GLIS3: variants seen among roughly 807,000 people sequenced by gnomAD.
GLIS3 encodes the protein zinc finger protein GLIS3.
In GLIS3, 53 loss-of-function variants were observed where a neutral mutation model predicts 78.6. The ratio of observed to expected loss-of-function variants is 0.67; its 90% confidence interval spans 0.54 to 0.85. GLIS3 has a LOEUF of 0.85. Among genes scored for constraint, GLIS3 ranks in the 40% least tolerant of loss-of-function variants. The pLI, the probability that GLIS3 is intolerant of heterozygous loss-of-function variation, is 0.00. For missense variants in GLIS3, 1,703 were observed against 1,231.1 expected (o/e 1.38, Z -5.74); for synonymous variants, 684 against 509.9 (o/e 1.34, Z -4.60).
intron 9 of GLIS3, chr9:3,855,780 C>T (rs1024668146): frequency 2.8e-5 from 15 of 531,938 alleles, no homozygotes; most frequent in Non-Finnish European, 4.4e-5. Flanking sequence ...AAACCAGCAA[C>T]TTGAGCTGAC....
chr9:4,030,911 G>C (rs1050495070), intron 4 of GLIS3, among the ~76,000 whole-genome samples: 1 of 152,148 alleles, frequency 6.6e-6, no homozygotes, highest in African/African-American at 2.4e-5. Flanking sequence ...AAGATGCTCG[G>C]CATCATTAGT....
intron 7 of GLIS3, among the ~76,000 whole-genome samples, chr9:3,887,327 T>C (rs1366467226): frequency 6.6e-6 from 1 of 152,146 alleles, no homozygotes; most frequent in Non-Finnish European, 1.5e-5. Flanking sequence ...AAAGGAAACA[T>C]ATTCATGTCA....
At chr9:3,926,923 CCT>C (rs1300179505) in intron 6 of GLIS3, among the ~76,000 whole-genome samples, 1 of 152,236 alleles carries the variant, frequency 6.6e-6, no homozygotes, top group Non-Finnish European at 1.5e-5. Flanking sequence ...TTGGGCCTGG[CCT>C]CATTTCTAAA....
chr9:4,258,168 GTC>G (rs1825161329), intron 2 of GLIS3, among the ~76,000 whole-genome samples: 1 of 151,912 alleles, frequency 6.6e-6, no homozygotes, highest in East Asian at 1.9e-4. Context: ...AAAAAAATAC[GTC>G]TTTTTTGTTT....
At chr9:4,434,863 C>T in the GLIS3 span, among the ~76,000 whole-genome samples, 3 of 152,308 alleles carry the variant, frequency 2.0e-5, no homozygotes, top group East Asian at 5.8e-4. Context: ...CCATGTGAGA[C>T]CAGTGCTGAG....
chr9:4,069,493 A>T (rs1278565095), intron 4 of GLIS3, among the ~76,000 whole-genome samples: 1 of 152,242 alleles, frequency 6.6e-6, no homozygotes, highest in Non-Finnish European at 1.5e-5. Flanking sequence ...CCAGTCCCTG[A>T]GTCTGGAACA....
chr9:4,443,880 T>C, the GLIS3 span, among the ~76,000 whole-genome samples: 1 of 152,198 alleles, frequency 6.6e-6, no homozygotes, highest in South Asian at 2.1e-4. Flanking sequence ...GAAGTCAAAA[T>C]TATGTTAATC....
chr9:4,198,291 A>C (rs1206655287), intron 2 of GLIS3, among the ~76,000 whole-genome samples: 2 of 152,224 alleles, frequency 1.3e-5, no homozygotes, highest in Admixed American at 1.3e-4. Context: ...AGAAAAGATA[A>C]ACATCTTAAA....
chr9:4,048,168 T>C (rs1266116157), intron 4 of GLIS3, among the ~76,000 whole-genome samples: 1 of 152,166 alleles, frequency 6.6e-6, no homozygotes, highest in Non-Finnish European at 1.5e-5. Flanking sequence ...GAGTGAGGGG[T>C]AATGACCTTT....
chr9:3,936,922 G>A, intron 5 of GLIS3, 106 bp downstream of exon 5: 1 of 1,488,906 alleles, frequency 6.7e-7, no homozygotes, highest in Non-Finnish European at 9.4e-7. Context: ...CATTGTCCCT[G>A]TAACCTGCAG....
chr9:4,138,297 C>G (rs1371947461), intron 2 of GLIS3, among the ~76,000 whole-genome samples: 2 of 152,342 alleles, frequency 1.3e-5, no homozygotes, highest in African/African-American at 4.8e-5. Flanking sequence ...GACACATTTA[C>G]TGGGTGTTAG....
chr9:3,993,594 C>T (rs73388234), intron 4 of GLIS3, among the ~76,000 whole-genome samples: 6,689 of 152,124 alleles, frequency 0.044, 503 homozygotes, highest in African/African-American at 0.15. Flanking sequence ...TAAGGAATTC[C>T]CTAGGTTCCT....
the GLIS3 span, among the ~76,000 whole-genome samples, chr9:4,395,163 A>G: frequency 6.6e-6 from 1 of 152,232 alleles, no homozygotes; most frequent in African/African-American, 2.4e-5. Context: ...TACATTTACA[A>G]ATTGGGCCCA....
intron 2 of GLIS3, among the ~76,000 whole-genome samples, chr9:4,129,730 T>C (rs906887042): frequency 6.6e-6 from 1 of 152,194 alleles, no homozygotes; most frequent in Admixed American, 6.5e-5. Flanking sequence ...TATTTCTTTA[T>C]AGCAATGCGA....
At chr9:4,459,615 A>T in the GLIS3 span, among the ~76,000 whole-genome samples, 6 of 152,152 alleles carry the variant, frequency 3.9e-5, no homozygotes, top group African/African-American at 1.4e-4. Flanking sequence ...AATTTTAAAA[A>T]TTAGCTAAGC....
At chr9:3,987,761 CAAAAAAAAAAAAAAAA>C (rs60986898) in intron 4 of GLIS3, among the ~76,000 whole-genome samples, 2 of 10,476 alleles carry the variant, frequency 1.9e-4, no homozygotes, top group Non-Finnish European at 3.4e-4. Context: ...CTGGATTTGG[CAAAAAAAAAAAAAAAA>C]AAAAAAAAAA....
chr9:4,347,999 G>C (rs1279276588), intron 1 of GLIS3, among the ~76,000 whole-genome samples: 2 of 152,036 alleles, frequency 1.3e-5, no homozygotes. Flanking sequence ...AAATTAGACA[G>C]GATATGCCAA....
At chr9:4,452,008 C>A in the GLIS3 span, among the ~76,000 whole-genome samples, 1 of 151,980 alleles carries the variant, frequency 6.6e-6, no homozygotes, top group African/African-American at 2.4e-5. Flanking sequence ...CGATGCAAGT[C>A]TGGTTCAACA....
intron 4 of GLIS3, among the ~76,000 whole-genome samples, chr9:4,002,657 A>C (rs1220036116): frequency 3.3e-5 from 5 of 152,164 alleles, no homozygotes; most frequent in Non-Finnish European, 2.9e-5. Flanking sequence ...TTGCTGCCTC[A>C]TTCTGCAGTG....
Sources: gnomAD v4.1 joint callset for allele counts (sites outside exome capture counted in the v4.1 genomes callset) on GRCh38, gnomAD v4.1.1 for gene constraint, MANE v1.5 for transcripts, NCBI Gene and HGNC (gene_info 2026-07-23, HGNC 2026-07-21) for gene names.